TWF2: variants seen among roughly 807,000 people sequenced by gnomAD.
The protein encoded by TWF2 is twinfilin-2.
Under a neutral mutation model 45.1 loss-of-function variants are expected in TWF2, and 15 were observed. The observed-to-expected ratio is 0.33, with a 90% confidence interval of 0.22 to 0.51. The LOEUF (loss-of-function observed/expected upper bound fraction) is 0.51, where lower values mean the gene tolerates loss of function less well. Among genes scored for constraint, TWF2 ranks in the 20% least tolerant of loss-of-function variants. The probability of loss-of-function intolerance (pLI) is 0.97; values close to 1 mark genes in which losing one functional copy is unlikely to be tolerated. For missense variants in TWF2, 423 were observed against 469.1 expected (o/e 0.90, Z 0.91); for synonymous variants, 177 against 195.8 (o/e 0.90, Z 0.80).
chr3:52,236,062 A>C (rs1577987829), intron 1 of TWF2, among the ~76,000 whole-genome samples: 1 of 152,168 alleles, frequency 6.6e-6, no homozygotes, highest in East Asian at 1.9e-4. Flanking sequence ...GCAATTTGGG[A>C]GGCCAAGGCG....
rs750336914 is a variant in TWF2, at chr3:52,231,524, G to A, written c.298C>T (p.Leu100=). 4 of 1,613,150 alleles carry A rather than the reference G, an allele frequency of 2.5e-6. No homozygotes were observed. The highest frequency in any genetic ancestry group is 3.4e-6 in the Non-Finnish European group (4 of 1,179,872). The change falls in exon 4 of 9, where the codon CTG becomes TTG. Residue 100 remains leucine (L), a synonymous_variant. Coordinates refer to ENST00000305533, the MANE Select transcript of TWF2 (RefSeq NM_007284.4). ...PDNSPVRLKM[L]YAATRATVKK... ...ACTGTGGCCCGCGTGGCCGCGTACA[G>A]CATCTTCAGCCGCACCTGAAGGGCA...
At chr3:52,230,735 C>T in intron 6 of TWF2, 135 bp downstream of exon 6, 4 of 1,348,626 alleles carry the variant, frequency 3.0e-6, no homozygotes, top group Non-Finnish European at 4.0e-6. Context: ...CCATGTGTTC[C>T]CACAAGCACA....
At position 52,228,870 on chromosome 3, in the gene TWF2, C is replaced by T; in HGVS notation, c.*164G>A. The stretch of plus-strand genomic sequence containing the variant: ...CAGGGACAGCAACAGGGAAGGGTCA[C>T]AAAATGCCAGCCCGGTGGCCCTCGG... On this transcript the variant is annotated 3_prime_UTR_variant, in exon 9 of 9. Transcript: ENST00000305533. 9.1e-7 allele frequency: 1 copy of T among 1,098,648 alleles called. No individual in the cohort carries two copies. The highest frequency in any genetic ancestry group is 1.3e-6 in the Non-Finnish European group (1 of 792,098). The allele number at this position is 1,098,648 out of a possible 1,614,324, so 68.1% of individuals were successfully genotyped here.
chr3:52,233,022 A>T (rs1699693926), intron 2 of TWF2, among the ~76,000 whole-genome samples: 1 of 152,250 alleles, frequency 6.6e-6, no homozygotes, highest in Non-Finnish European at 1.5e-5. Context: ...AAAAAAAGAA[A>T]GAAAATGTCG....
intron 6 of TWF2, 60 bp from the exon 7 acceptor site, chr3:52,230,130 C>A (rs1372825638): frequency 2.2e-5 from 33 of 1,474,464 alleles, no homozygotes; most frequent in Non-Finnish European, 3.0e-5. Flanking sequence ...AGGCCCCTCT[C>A]CCCAGGAAGC....
In TWF2 at chr3:52,228,720, TC is replaced by T; in HGVS notation, c.*313del. The T allele has an allele frequency of 2.7e-6, 1 of 366,886 alleles. No individual in the cohort carries two copies. The highest frequency in any genetic ancestry group is 5.0e-6 in the Non-Finnish European group (1 of 201,014). 22.7% of individuals were successfully genotyped at this position (366,886 alleles called of 1,614,324 possible). On this transcript the variant is annotated 3_prime_UTR_variant, in exon 9 of 9. Coordinates refer to ENST00000305533, the MANE Select transcript of TWF2 (RefSeq NM_007284.4). ...ACCCCACTTCTTGTGGCCAAAGGTT[TC>T]TGGGCTGTGCTGGGACCCTAGTCTC... is the stretch of plus-strand genomic sequence containing the variant.
chr3:52,238,838 C>G lies in TWF2; in HGVS notation c.25+154G>C, dbSNP rs151143204. Among the ~76,000 whole-genome samples the G allele has an allele frequency of 4.4e-3, 671 of 152,268 alleles. 4 individuals are homozygous for G. Among genetic ancestry groups the G allele is most frequent in the African/African-American group, 0.015 (624 of 41,552 alleles). ...TATGCACACCACGTCCGTACTCCCCCAGATGTGCCCACCCCAGGCGACCCG... is the reference window on the plus strand; with the variant it reads ...TATGCACACCACGTCCGTACTCCCCGAGATGTGCCCACCCCAGGCGACCCG... On this transcript the variant is annotated intron_variant, in intron 1 of 8. Transcript: ENST00000305533.
chr3:52,232,368 A>C (rs1382658895), intron 2 of TWF2: 7 of 548,902 alleles, frequency 1.3e-5, no homozygotes, highest in African/African-American at 5.9e-5. Context: ...ACCCCCCCAC[A>C]CACACACACG....
At chr3:52,237,228 T>C (rs543477862) in intron 1 of TWF2, among the ~76,000 whole-genome samples, 16 of 152,052 alleles carry the variant, frequency 1.1e-4, no homozygotes, top group Admixed American at 1.0e-3. Flanking sequence ...CCAGCCCCAA[T>C]GCCTGCCCAG....
chr3:52,229,084 C>T lies in TWF2; in HGVS notation c.1000G>A (p.Gly334Ser), dbSNP rs1176955582. The T allele has an allele frequency of 1.2e-6, 2 of 1,613,088 alleles. No individual in the cohort carries two copies. The highest frequency in any genetic ancestry group is 1.3e-5 in the African/African-American group (1 of 75,050). ...AKPKGPGGKRGHKRLIRGPGE... is the reference protein window; with the variant it reads ...AKPKGPGGKRSHKRLIRGPGE... ...GGGCCGCGGATGAGGCGCTTATGGCCCCGCTTGCCCCCTGGGCCCTTGGGC... is the reference window on the plus strand; with the variant it reads ...GGGCCGCGGATGAGGCGCTTATGGCTCCGCTTGCCCCCTGGGCCCTTGGGC... The change falls in exon 9 of 9, where the codon GGC (glycine) becomes AGC (serine). Residue 334 changes from glycine (G) to serine (S), a missense_variant. Gly to Ser is a moderately conservative substitution (Grantham distance 56). Coordinates refer to ENST00000305533, the MANE Select transcript of TWF2 (RefSeq NM_007284.4).
intron 6 of TWF2, 35 bp downstream of exon 6, chr3:52,230,835 G>A (rs1473902619): frequency 6.2e-7 from 1 of 1,603,332 alleles, no homozygotes; most frequent in Non-Finnish European, 8.5e-7. Context: ...TAGGGGTGGT[G>A]GCAGCATGTG....
chr3:52,229,132 C>T lies in TWF2; in HGVS notation c.952G>A (p.Ala318Thr), dbSNP rs199609796. ...GGCTTGGCGAAGGCCTGCTTGAAGG[C>T]GTGTTGCTTGGGGTGCACCTCGTCG... ...LYDEVHPKQH[A>T]FKQAFAKPKG... The change falls in exon 9 of 9, where the codon GCC (alanine) becomes ACC (threonine). Residue 318 changes from alanine to threonine, a missense_variant. By Grantham distance (58) the Ala-to-Thr change is moderately conservative. Coordinates refer to ENST00000305533, the MANE Select transcript of TWF2 (RefSeq NM_007284.4). 78 of 1,613,656 alleles carry T rather than the reference C, an allele frequency of 4.8e-5. No homozygotes were observed. Among genetic ancestry groups the T allele is most frequent in the Non-Finnish European group, 6.4e-5 (76 of 1,180,032 alleles).
At chr3:52,237,924 A>G (rs1699742497) in intron 1 of TWF2, among the ~76,000 whole-genome samples, 3 of 152,222 alleles carry the variant, frequency 2.0e-5, no homozygotes, top group Admixed American at 6.5e-5. Context: ...CAAACCCGCC[A>G]GGCTGTCTGG....
rs1214277010 is a variant in TWF2 at position 52,238,005 on chromosome 3, C to A, written c.25+987G>T. On this transcript the variant is annotated intron_variant, in intron 1 of 8. Transcript: ENST00000305533. ...CCAGTGACAGAGGAGGACACTGAGC[C>A]CCAGGTAGAGTCAGGGCACCTGGCT... Among the ~76,000 whole-genome samples the A allele has an allele frequency of 2.0e-5, 3 of 152,222 alleles. No individual in the cohort carries two copies. In the East Asian group the frequency reaches 5.8e-4, roughly 29 times the overall value.
chr3:52,233,184 T>C (rs1699695114), intron 2 of TWF2, among the ~76,000 whole-genome samples: 2 of 152,100 alleles, frequency 1.3e-5, no homozygotes, highest in African/African-American at 4.8e-5. Flanking sequence ...CCTGGAGCAA[T>C]AACTGGGGCA....
chr3:52,231,721 T>C (rs899711900), intron 3 of TWF2, among the ~76,000 whole-genome samples, 182 bp from the exon 4 acceptor site: 8 of 152,186 alleles, frequency 5.3e-5, no homozygotes, highest in Non-Finnish European at 1.2e-4. Flanking sequence ...TCCAGCCTGA[T>C]CACAGCCTCC....
rs545813365 is a variant in TWF2, at chr3:52,232,159, T to A, written c.104-37A>T. ...GGCCGGATGAGCAGCCGCTCCCAGCTCCCACTGCGCCTCCCGCTGCAGACC... is the reference window on the plus strand; with the variant it reads ...GGCCGGATGAGCAGCCGCTCCCAGCACCCACTGCGCCTCCCGCTGCAGACC... On this transcript the variant is annotated intron_variant, in intron 2 of 8. Coordinates refer to ENST00000305533, the MANE Select transcript of TWF2 (RefSeq NM_007284.4). 3,483 of 1,486,748 alleles carry A rather than the reference T, an allele frequency of 2.3e-3. 22 individuals carry two copies. The Middle Eastern group carries it at 0.025, about 11-fold the overall frequency. 92.1% of individuals were successfully genotyped at this position (1,486,748 alleles called of 1,614,324 possible). A position where few individuals can be genotyped will look rare whatever the true frequency, so the allele number is the denominator to read the frequency against.
chr3:52,233,383 G>A (rs1463305871), intron 2 of TWF2, among the ~76,000 whole-genome samples: 1 of 152,232 alleles, frequency 6.6e-6, no homozygotes, highest in Non-Finnish European at 1.5e-5. Flanking sequence ...GCCTGTGTTG[G>A]CCCCTACAGC....
chr3:52,235,158 C>A (rs146421837), intron 1 of TWF2, 52 bp from the exon 2 acceptor site: 2 of 1,574,664 alleles, frequency 1.3e-6, no homozygotes, highest in Non-Finnish European at 1.7e-6. Flanking sequence ...TGGACAGAGA[C>A]GAGTATGGGG....
Sources: gnomAD v4.1 joint callset for allele counts (sites outside exome capture counted in the v4.1 genomes callset) on GRCh38, gnomAD v4.1.1 for gene constraint, MANE v1.5 for transcripts, NCBI Gene and HGNC (gene_info 2026-07-23, HGNC 2026-07-21) for gene names.